Variants in FBP1 observed in about 807,000 individuals in gnomAD.
FBP1 encodes fructose-1,6-bisphosphatase 1.
A neutral mutation model predicts 29.9 loss-of-function variants in FBP1; 22 were observed. The ratio of observed to expected loss-of-function variants is 0.74; its 90% CI spans 0.53 to 1.05. The LOEUF is 1.05. Among genes scored for constraint, FBP1 ranks in the 50% least tolerant of loss-of-function variants. FBP1 has a pLI of 0.00. For missense variants in FBP1, 345 were observed against 448.2 expected (o/e 0.77, Z 2.08); for synonymous variants, 175 against 178.6 (o/e 0.98, Z 0.16).
rs202220406 is a variant in FBP1 at position 94,605,472 on chromosome 9, C to G, written c.810G>C (p.Lys270Asn). Residue 270 changes from lysine (K) to asparagine (N), a missense_variant, in exon 6 of 7, where the codon AAG (lysine) becomes AAC (asparagine). Transcript: ENST00000375326. Reference protein sequence around the residue: ...GGIFLYPANKKSPNGKLRLLY... With the variant: ...GGIFLYPANKNSPNGKLRLLY... ...ACACCCTTACCTTTCCATTGGGGCTCTTCTTGTTAGCGGGGTACAGAAATA... is the reference window on the plus strand; with the variant it reads ...ACACCCTTACCTTTCCATTGGGGCTGTTCTTGTTAGCGGGGTACAGAAATA... 1 of 1,613,904 alleles carries G rather than the reference C, an allele frequency of 6.2e-7. No individual in the cohort carries two copies. The highest frequency in any genetic ancestry group is 8.5e-7 in the Non-Finnish European group (1 of 1,180,008).
intron 1 of FBP1, among the ~76,000 whole-genome samples, chr9:94,621,229 A>C (rs1416322003): frequency 1.4e-5 from 2 of 147,124 alleles, no homozygotes; most frequent in Non-Finnish European, 3.0e-5. Flanking sequence ...AAAAAAAAAA[A>C]AAAAAAAATA....
Position 94,606,803 on chromosome 9 carries a change from G to T in FBP1, c.705+12C>A, listed in dbSNP as rs1260686788. On this transcript the variant is annotated intron_variant, in intron 5 of 6. Transcript: ENST00000375326. ...CCAGAACCTGCACCACCCTCCCCGG[G>T]CCCTCACTTACTGGGGGGAACTTCT... The T allele has an allele frequency of 6.2e-7, 1 of 1,612,690 alleles. No individual in the cohort carries two copies. Among genetic ancestry groups the T allele is most frequent in the South Asian group, 1.1e-5 (1 of 90,978 alleles).
chr9:94,638,910 G>A (rs1828239298), intron 1 of FBP1, among the ~76,000 whole-genome samples: 2 of 152,194 alleles, frequency 1.3e-5, no homozygotes, highest in Non-Finnish European at 2.9e-5. Flanking sequence ...CTGTGAGACG[G>A]ACCCCCAGGT....
chr9:94,615,360 C>T (rs1286958608), intron 3 of FBP1, among the ~76,000 whole-genome samples: 1 of 151,896 alleles, frequency 6.6e-6, no homozygotes, highest in Non-Finnish European at 1.5e-5. Flanking sequence ...CTCAATTTCC[C>T]AGGTTTTTTT....
At chr9:94,622,577 C>A (rs1019801016) in intron 1 of FBP1, among the ~76,000 whole-genome samples, 3 of 152,218 alleles carry the variant, frequency 2.0e-5, no homozygotes, top group African/African-American at 7.2e-5. Flanking sequence ...GAGCTAGCTC[C>A]GGCTGTCTTC....
chr9:94,612,176 C>T (rs543768671), intron 3 of FBP1, among the ~76,000 whole-genome samples: 23 of 152,284 alleles, frequency 1.5e-4, no homozygotes, highest in African/African-American at 5.1e-4. Flanking sequence ...TGTCAACATG[C>T]GCTGCCTGTC....
chr9:94,614,920 A>T (rs1018736435), intron 3 of FBP1, among the ~76,000 whole-genome samples: 13 of 151,800 alleles, frequency 8.6e-5, no homozygotes, highest in Non-Finnish European at 1.5e-4. Flanking sequence ...TTATTTATTT[A>T]TTTTTTGAGA....
chr9:94,637,580 G>A (rs1447848551), intron 1 of FBP1, among the ~76,000 whole-genome samples: 3 of 151,810 alleles, frequency 2.0e-5, no homozygotes, highest in Non-Finnish European at 4.4e-5. Context: ...TGGTAGAGAC[G>A]GGGTTTCACC....
chr9:94,636,205 C>T (rs946524575), intron 1 of FBP1, among the ~76,000 whole-genome samples: 1 of 152,082 alleles, frequency 6.6e-6, no homozygotes, highest in Non-Finnish European at 1.5e-5. Flanking sequence ...ATTGGCCAGG[C>T]ACAGTGGCTC....
At position 94,610,061 on chromosome 9, in the gene FBP1, T is replaced by C. The variant is rs1361328832; in HGVS notation, c.427A>G (p.Lys143Glu). The C allele has an allele frequency of 2.5e-6, 4 of 1,614,002 alleles. No homozygotes were observed. In the Admixed American group the frequency reaches 6.7e-5, roughly 27 times the overall value. Residue 143 changes from lysine to glutamate, a missense_variant and splice_region_variant, in exon 4 of 7, where the codon AAA (lysine) becomes GAA (glutamate). Coordinates refer to ENST00000375326, the MANE Select transcript of FBP1 (RefSeq NM_000507.4). ...TTCTCAGAAGGCTCATCAGTTGATT[T>C]CTAGAGCAAGAAAGAAATCAAAGAA... ...VGTIFGIYRK[K>E]STDEPSEKDA...
chr9:94,616,747 G>C (rs553792726), intron 3 of FBP1, among the ~76,000 whole-genome samples: 57 of 152,118 alleles, frequency 3.7e-4, no homozygotes, highest in African/African-American at 1.3e-3. Flanking sequence ...TATATACTTT[G>C]AAAAAATAAA....
At chr9:94,638,319 A>G (rs1828226071) in intron 1 of FBP1, among the ~76,000 whole-genome samples, 1 of 152,166 alleles carries the variant, frequency 6.6e-6, no homozygotes, top group Admixed American at 6.5e-5. Flanking sequence ...TCCCAGAGCT[A>G]TGGAAGGAGG....
At chr9:94,625,902 C>A (rs1317472280) in intron 1 of FBP1, among the ~76,000 whole-genome samples, 2 of 152,046 alleles carry the variant, frequency 1.3e-5, no homozygotes, top group African/African-American at 4.8e-5. Context: ...ACCCTCAGCA[C>A]CTCCATGGAC....
chr9:94,617,723 T>G (rs1282436206), intron 3 of FBP1, 45 bp downstream of exon 3: 1 of 1,311,434 alleles, frequency 7.6e-7, no homozygotes, highest in African/African-American at 1.4e-5. Flanking sequence ...ATGCTCAATC[T>G]TAACTTCTGT....
At chr9:94,635,157 A>G (rs1828174062) in intron 1 of FBP1, among the ~76,000 whole-genome samples, 1 of 150,608 alleles carries the variant, frequency 6.6e-6, no homozygotes, top group Non-Finnish European at 1.5e-5. Flanking sequence ...ATTCTAATTG[A>G]TTTCTAAAAA....
intron 5 of FBP1, among the ~76,000 whole-genome samples, chr9:94,605,796 C>G (rs1256483369): frequency 6.6e-6 from 1 of 152,102 alleles, no homozygotes; most frequent in Admixed American, 6.6e-5. Context: ...GTCAGATTGC[C>G]CACAGAAGCC....
Position 94,606,914 on chromosome 9 carries a change from C to T in FBP1, c.606G>A (p.Lys202=), listed in dbSNP as rs111596938. Residue 202 remains lysine, a synonymous_variant, in exon 5 of 7, where the codon AAG becomes AAA. Transcript: ENST00000375326. The stretch of plus-strand genomic sequence containing the variant: ...TGTAGATTTTACCTTTCTTTTTTAT[C>T]TTCACATCCTTGTCCACCAAAATGA... ...GEFILVDKDV[K]IKKKGKIYSL... is the part of the protein sequence containing the mutation. 52 of 1,614,100 alleles carry T rather than the reference C, an allele frequency of 3.2e-5. No homozygotes were observed. In the African/African-American group the frequency reaches 3.7e-4, roughly 12 times the overall value.
At chr9:94,629,074 C>G (rs1049821781) in intron 1 of FBP1, among the ~76,000 whole-genome samples, 1 of 152,174 alleles carries the variant, frequency 6.6e-6, no homozygotes, top group African/African-American at 2.4e-5. Flanking sequence ...CTCCCCCTCC[C>G]GGGTTCAAGC....
intron 3 of FBP1, among the ~76,000 whole-genome samples, chr9:94,610,605 G>C (rs1361345103): frequency 6.6e-6 from 1 of 152,216 alleles, no homozygotes; most frequent in Non-Finnish European, 1.5e-5. Context: ...TTATGGGGTA[G>C]AGCAGATGCT....
Sources: gnomAD v4.1 joint callset for allele counts (sites outside exome capture counted in the v4.1 genomes callset) on GRCh38, gnomAD v4.1.1 for gene constraint, MANE v1.5 for transcripts, NCBI Gene and HGNC (gene_info 2026-07-23, HGNC 2026-07-21) for gene names.